ANGEL2: variants seen among roughly 807,000 people sequenced by gnomAD.
The protein encoded by ANGEL2 is angel homolog 2, also known as RNA 2',3'-cyclic phosphatase ANGEL2.
In ANGEL2, 41 loss-of-function variants were observed where a neutral mutation model predicts 66.0. The observed-to-expected ratio is 0.62, with a 90% CI of 0.48 to 0.81. ANGEL2 has a LOEUF of 0.81. Ranked by LOEUF, ANGEL2 falls within the 30% of genes least tolerant of loss-of-function variation. The pLI is 0.00. For missense variants in ANGEL2, 561 were observed against 641.6 expected, an observed-to-expected ratio of 0.87 and a Z score of 1.36; for synonymous variants, 208 against 226.5, an observed-to-expected ratio of 0.92 and a Z score of 0.73.
intron 1 of ANGEL2, chr1:213,015,026 C>T: frequency 1.2e-6 from 1 of 802,260 alleles, no homozygotes; most frequent in Non-Finnish European, 1.5e-6. Context: ...TACTGAAGTG[C>T]TTTTTAAAAA....
intron 5 of ANGEL2, chr1:213,002,104 C>T (rs2076193208): frequency 6.6e-6 from 1 of 152,512 alleles, no homozygotes; most frequent in Non-Finnish European, 1.5e-5. Flanking sequence ...CCAGATCCAT[C>T]AGAGAAATCA....
intron 5 of ANGEL2, chr1:213,001,141 CTTT>C: frequency 2.1e-6 from 1 of 470,362 alleles, no homozygotes; most frequent in Non-Finnish European, 3.7e-6. Context: ...ACATGCTTTT[CTTT>C]AATTTGGACA....
intron 5 of ANGEL2, among the ~76,000 whole-genome samples, chr1:213,003,133 C>T (rs2076223589): frequency 6.6e-6 from 1 of 152,164 alleles, no homozygotes; most frequent in African/African-American, 2.4e-5. Context: ...ATCTCTCAGC[C>T]TTCAAAAAAT....
chr1:212,995,459 T>G (rs1024578373), intron 8 of ANGEL2, among the ~76,000 whole-genome samples: 1 of 152,196 alleles, frequency 6.6e-6, no homozygotes, highest in Admixed American at 6.5e-5. Context: ...CTTAAGAATG[T>G]TAAGGGTAAT....
At chr1:213,007,847 C>G (rs915146686) in intron 3 of ANGEL2, among the ~76,000 whole-genome samples, 9 of 150,170 alleles carry the variant, frequency 6.0e-5, no homozygotes. Context: ...AACATTTAAC[C>G]CAACTTTTTC....
chr1:213,000,838 G>C lies in ANGEL2; in HGVS notation c.1209C>G (p.Ile403Met). The change falls in exon 6 of 9, where the codon ATC (isoleucine) becomes ATG (methionine). Residue 403 changes from isoleucine to methionine, a missense_variant. By Grantham distance (10) the Ile-to-Met change is conservative (BLOSUM62 1). Coordinates refer to ENST00000366962, the MANE Select transcript of ANGEL2 (RefSeq NM_144567.5). ...SIPIWPPNLG[I>M]SQNCVYEVQQ... ...GTACCTCATACACACAGTTCTGTGA[G>C]ATACCTAGGTTTGGGGGCCAAATTG... The C allele has an allele frequency of 6.2e-7, 1 of 1,612,898 alleles. No homozygotes were observed. Among genetic ancestry groups the C allele is most frequent in the Non-Finnish European group, 8.5e-7 (1 of 1,179,832 alleles).
At chr1:212,997,026 A>C in intron 8 of ANGEL2, 129 bp downstream of exon 8, 107 of 770,288 alleles carry the variant, frequency 1.4e-4, no homozygotes, top group Non-Finnish European at 2.0e-4. Context: ...CAATCTGTCT[A>C]TTTCGAAATA....
intron 2 of ANGEL2, 35 bp from the exon 3 acceptor site, chr1:213,008,501 A>G (rs2076408596): frequency 6.3e-7 from 1 of 1,592,942 alleles, no homozygotes; most frequent in Non-Finnish European, 8.5e-7. Flanking sequence ...TAAGGAATTA[A>G]TCAAAAGCAG....
At chr1:212,996,685 G>T (rs2076033921) in intron 8 of ANGEL2, among the ~76,000 whole-genome samples, 1 of 111,586 alleles carries the variant, frequency 9.0e-6, no homozygotes, top group Admixed American at 1.0e-4. Context: ...TTCCTCCTCA[G>T]AAAAATCCAA....
At chr1:213,011,070 G>A in intron 2 of ANGEL2, 1 of 881,126 alleles carries the variant, frequency 1.1e-6, no homozygotes. Context: ...GACCACATTT[G>A]CTTTTAATAA....
intron 8 of ANGEL2, among the ~76,000 whole-genome samples, 172 bp from the exon 9 acceptor site, chr1:212,995,364 T>A (rs1423965823): frequency 6.6e-6 from 1 of 152,264 alleles, no homozygotes; most frequent in African/African-American, 2.4e-5. Context: ...AACCTAATTA[T>A]AATTATCAAA....
intron 1 of ANGEL2, chr1:213,015,044 G>T: frequency 1.1e-6 from 1 of 909,542 alleles, no homozygotes; most frequent in Non-Finnish European, 1.3e-6. Flanking sequence ...AAAAAACTGA[G>T]TCAATTTAAA....
Position 212,992,584 on chromosome 1 carries a change from A to G in ANGEL2, c.*2457T>C, listed in dbSNP as rs1330448184. ...TAATTATTTTTAGTGGAGCTTTAAAAACCTGTGAGAAGCTCACATTGACTT... is the reference window on the plus strand; with the variant it reads ...TAATTATTTTTAGTGGAGCTTTAAAGACCTGTGAGAAGCTCACATTGACTT... On this transcript the variant is annotated 3_prime_UTR_variant, in exon 9 of 9. Coordinates refer to ENST00000366962, the MANE Select transcript of ANGEL2 (RefSeq NM_144567.5). 1.3e-5 allele frequency: 2 copies of G among 152,214 alleles called. No homozygotes were observed. Among genetic ancestry groups the G allele is most frequent in the Non-Finnish European group, 2.9e-5 (2 of 68,016 alleles). The allele number at this position is 152,214 out of a possible 1,614,324, so 9.4% of individuals were successfully genotyped here. A position where few individuals can be genotyped will look rare whatever the true frequency, so the allele number is the denominator to read the frequency against.
chr1:213,000,576 C>A lies in ANGEL2; in HGVS notation c.1262-193G>T, dbSNP rs1020781762. 1.2e-5 allele frequency: 9 copies of A among 745,790 alleles called. No homozygotes were observed. The African/African-American group carries it at 1.6e-4, about 13-fold the overall frequency. The allele number at this position is 745,790 out of a possible 1,614,324, so 46.2% of individuals were successfully genotyped here. A position where few individuals can be genotyped will look rare whatever the true frequency, so the allele number is the denominator to read the frequency against. ...TAGAAAAATGCAAACAATTCCAAAG[C>A]AACATGCAAGTAAATCATGCACAGA... On this transcript the variant is annotated intron_variant, in intron 6 of 8. Coordinates refer to ENST00000366962, the MANE Select transcript of ANGEL2 (RefSeq NM_144567.5).
At chr1:213,005,568 G>T (rs1266191115) in intron 4 of ANGEL2, 114 bp from the exon 5 acceptor site, 15 of 1,113,270 alleles carry the variant, frequency 1.3e-5, no homozygotes, top group Non-Finnish European at 1.6e-5. Context: ...CAAAACATTA[G>T]TAATGTAGGA....
chr1:213,008,380 A>G lies in ANGEL2; in HGVS notation c.472T>C (p.Cys158Arg). ...ILGDKNVDPK[C>R]EDSENKFDFS... ...TCAAACTTGTTCTCACTGTCTTCACATTTGGGATCAACATTTTTGTCTCCT... is the reference window on the plus strand; with the variant it reads ...TCAAACTTGTTCTCACTGTCTTCACGTTTGGGATCAACATTTTTGTCTCCT... The change falls in exon 3 of 9, where the codon TGT (cysteine) becomes CGT (arginine). Residue 158 changes from cysteine to arginine, a missense_variant. Transcript: ENST00000366962. The G allele has an allele frequency of 1.2e-6, 2 of 1,614,204 alleles. No individual in the cohort carries two copies. The highest frequency in any genetic ancestry group is 1.7e-6 in the Non-Finnish European group (2 of 1,180,026).
intron 7 of ANGEL2, among the ~76,000 whole-genome samples, chr1:212,998,494 A>C (rs2148137232): frequency 6.6e-6 from 1 of 150,672 alleles, no homozygotes; most frequent in African/African-American, 2.4e-5. Context: ...AACACTCTGT[A>C]TTTACATAAA....
chr1:213,009,142 T>G (rs992539891), intron 2 of ANGEL2, among the ~76,000 whole-genome samples: 5 of 152,252 alleles, frequency 3.3e-5, no homozygotes, highest in South Asian at 2.1e-4. Flanking sequence ...AAACCTAGCA[T>G]GCAACAACCA....
Position 212,997,270 on chromosome 1 carries a change from T to G in ANGEL2, c.1368A>C (p.Ser456=). Residue 456 remains serine, a synonymous_variant, in exon 8 of 9, where the codon TCA becomes TCC. Transcript: ENST00000366962. Reference sequence around the variant, plus strand: ...GAATTCCAGTGTCAGGAAAGTAATGTGAATAAACAGATGACAAACTGAAAT... The same window carrying G: ...GAATTCCAGTGTCAGGAAAGTAATGGGAATAAACAGATGACAAACTGAAAT... ...QHHFSLSSVY[S]HYFPDTGIPE... is the part of the protein sequence containing the mutation. The G allele has an allele frequency of 6.2e-7, 1 of 1,612,996 alleles. No individual in the cohort carries two copies. The highest frequency in any genetic ancestry group is 8.5e-7 in the Non-Finnish European group (1 of 1,179,108).
Sources: allele counts gnomAD v4.1 joint callset (sites outside exome capture counted in the v4.1 genomes callset), GRCh38; gene constraint gnomAD v4.1.1; transcripts MANE v1.5; gene names NCBI Gene and HGNC (gene_info 2026-07-23, HGNC 2026-07-21).